Variants in MACROD2 observed in about 807,000 individuals in gnomAD.
MACROD2 encodes ADP-ribose glycohydrolase MACROD2.
In MACROD2, 36 loss-of-function variants were observed where a neutral mutation model predicts 70.4. The ratio of observed to expected loss-of-function variants is 0.51; its 90% CI spans 0.39 to 0.68. The LOEUF (loss-of-function observed/expected upper bound fraction) is 0.68. MACROD2 is among the 30% of genes least tolerant of loss of function. The pLI is 0.00. For synonymous variants in MACROD2, 172 were observed against 178.8 expected (o/e 0.96, Z 0.30); for missense variants, 496 against 538.4 (o/e 0.92, Z 0.78).
intron 5 of MACROD2, among the ~76,000 whole-genome samples, chr20:14,896,880 C>A (rs935464111): frequency 6.6e-6 from 1 of 152,068 alleles, no homozygotes; most frequent in South Asian, 2.1e-4. Flanking sequence ...AATTTGTCTA[C>A]AGTAACCAGG....
At chr20:14,247,671 A>T (rs960705423) in intron 3 of MACROD2, among the ~76,000 whole-genome samples, 5 of 152,198 alleles carry the variant, frequency 3.3e-5, no homozygotes, top group African/African-American at 1.2e-4. Context: ...ACACTGCAGA[A>T]GAAGTGCCTA....
chr20:15,700,845 T>C (rs1361172316), intron 8 of MACROD2, among the ~76,000 whole-genome samples: 2 of 152,236 alleles, frequency 1.3e-5, no homozygotes, highest in African/African-American at 2.4e-5. Flanking sequence ...ATGATTGTAA[T>C]AGAGACAAAA....
chr20:15,366,482 A>G (rs781036397), intron 6 of MACROD2, among the ~76,000 whole-genome samples: 2 of 152,202 alleles, frequency 1.3e-5, no homozygotes, highest in Non-Finnish European at 2.9e-5. Flanking sequence ...TCAAAATTCA[A>G]CTGTTGTCCT....
At chr20:15,831,588 G>T (rs972992623) in intron 8 of MACROD2, among the ~76,000 whole-genome samples, 2 of 152,122 alleles carry the variant, frequency 1.3e-5, no homozygotes, top group African/African-American at 2.4e-5. Flanking sequence ...CCTCCTGACT[G>T]CTTCAGCCCC....
intron 5 of MACROD2, among the ~76,000 whole-genome samples, chr20:14,945,492 A>C (rs1038485273): frequency 1.2e-4 from 18 of 152,250 alleles, no homozygotes; most frequent in African/African-American, 4.1e-4. Flanking sequence ...GTGATTGTCC[A>C]CTTCACCAGC....
intron 5 of MACROD2, among the ~76,000 whole-genome samples, chr20:14,929,119 C>T (rs762812096): frequency 1.6e-4 from 25 of 152,202 alleles, no homozygotes; most frequent in Middle Eastern, 3.4e-3. Flanking sequence ...ACCAAATGTG[C>T]GGATTTTCTA....
intron 5 of MACROD2, among the ~76,000 whole-genome samples, chr20:14,775,310 A>G (rs990826294): frequency 6.6e-6 from 1 of 151,982 alleles, no homozygotes. Context: ...AGGCGGGGTA[A>G]TTTATTTTAA....
intron 3 of MACROD2, among the ~76,000 whole-genome samples, chr20:14,287,165 T>G (rs1291240514): frequency 1.3e-5 from 2 of 152,200 alleles, no homozygotes. Flanking sequence ...GTTGTATCCT[T>G]AAGAGGCAAA....
chr20:14,549,278 T>C (rs1254250080), intron 4 of MACROD2, among the ~76,000 whole-genome samples: 2 of 152,190 alleles, frequency 1.3e-5, no homozygotes, highest in Admixed American at 1.3e-4. Flanking sequence ...GAAGGTAGTT[T>C]CTTCATATGT....
At chr20:15,945,658 A>G (rs2065811997) in intron 12 of MACROD2, among the ~76,000 whole-genome samples, 1 of 152,184 alleles carries the variant, frequency 6.6e-6, no homozygotes, top group Admixed American at 6.5e-5. Flanking sequence ...CTGATTTTTG[A>G]CAGTTCAATG....
At chr20:14,166,798 T>C (rs1046198147) in intron 3 of MACROD2, among the ~76,000 whole-genome samples, 3 of 152,178 alleles carry the variant, frequency 2.0e-5, no homozygotes, top group African/African-American at 7.2e-5. Flanking sequence ...CCATTTATCC[T>C]ATTGTCCCAT....
At chr20:15,809,425 A>G (rs779316869) in intron 8 of MACROD2, among the ~76,000 whole-genome samples, 4 of 152,220 alleles carry the variant, frequency 2.6e-5, no homozygotes, top group Non-Finnish European at 4.4e-5. Flanking sequence ...TGCAGGCTGT[A>G]CAAGAAGCAC....
At chr20:15,695,715 G>A (rs73614444) in intron 8 of MACROD2, among the ~76,000 whole-genome samples, 6,648 of 152,098 alleles carry the variant, frequency 0.044, 296 homozygotes, top group East Asian at 0.21. Context: ...AAAAGTCTTT[G>A]ATTTCTTTCA....
At chr20:14,787,304 G>GA (rs138336258) in intron 5 of MACROD2, among the ~76,000 whole-genome samples, 10 of 150,634 alleles carry the variant, frequency 6.6e-5, no homozygotes, top group Admixed American at 5.3e-4. Context: ...TGTAACGTGT[G>GA]AAAAAAAAAG....
intron 5 of MACROD2, among the ~76,000 whole-genome samples, chr20:14,781,565 G>C (rs2072301588): frequency 6.6e-6 from 1 of 150,630 alleles, no homozygotes; most frequent in Non-Finnish European, 1.5e-5. Context: ...CCTTACAGAG[G>C]AAAGTGGTAC....
chr20:15,578,696 A>C (rs900220180), intron 8 of MACROD2, among the ~76,000 whole-genome samples: 1 of 24,936 alleles, frequency 4.0e-5, no homozygotes, highest in Non-Finnish European at 5.5e-4. Flanking sequence ...GGTGTCGATA[A>C]TATTATTTTC....
At chr20:14,214,311 A>G (rs2081596247) in intron 3 of MACROD2, among the ~76,000 whole-genome samples, 1 of 152,108 alleles carries the variant, frequency 6.6e-6, no homozygotes, top group Non-Finnish European at 1.5e-5. Flanking sequence ...AAAAACAAAA[A>G]CAGAGAGACC....
intron 3 of MACROD2, among the ~76,000 whole-genome samples, chr20:14,168,550 C>G (rs899124430): frequency 6.6e-6 from 1 of 152,076 alleles, no homozygotes; most frequent in Non-Finnish European, 1.5e-5. Context: ...AATATTGAAC[C>G]AATATTGATG....
At chr20:15,711,298 A>G (rs1338030409) in intron 8 of MACROD2, among the ~76,000 whole-genome samples, 1 of 152,220 alleles carries the variant, frequency 6.6e-6, no homozygotes, top group Admixed American at 6.5e-5. Context: ...AATGCCCAGT[A>G]ATTTCTTATC....
Sources: allele counts gnomAD v4.1 joint callset (sites outside exome capture counted in the v4.1 genomes callset), GRCh38; gene constraint gnomAD v4.1.1; transcripts MANE v1.5; gene names NCBI Gene and HGNC (gene_info 2026-07-23, HGNC 2026-07-21).